Variants in UNC5D observed in about 807,000 individuals in gnomAD.
UNC5D encodes unc-5 netrin receptor D.
Under a neutral mutation model 105.4 loss-of-function variants are expected in UNC5D, and 39 were observed. The observed-to-expected ratio is 0.37, with a 90% CI of 0.29 to 0.48. The LOEUF is 0.48. UNC5D is among the 20% of genes least tolerant of loss of function. The probability of loss-of-function intolerance (pLI) is 0.98; values close to 1 mark genes in which losing one functional copy is unlikely to be tolerated. For missense variants in UNC5D, 991 were observed against 1,202.4 expected, an observed-to-expected ratio of 0.82 and a Z score of 2.60; for synonymous variants, 452 against 450.4, an observed-to-expected ratio of 1.00 and a Z score of -0.04.
chr8:35,786,527 G>A (rs1381674773), intron 16 of UNC5D, among the ~76,000 whole-genome samples: 2 of 152,092 alleles, frequency 1.3e-5, no homozygotes, highest in African/African-American at 4.8e-5. Context: ...TTAATATTGT[G>A]TTGAGACAAT....
chr8:35,269,890 A>ATATCCATTC (rs2128832292), intron 1 of UNC5D, among the ~76,000 whole-genome samples: 1 of 152,340 alleles, frequency 6.6e-6, no homozygotes, highest in East Asian at 1.9e-4. Flanking sequence ...GGGCATGTCC[A>ATATCCATTC]TATCCATTCT....
chr8:35,680,605 G>A (rs1041626665), intron 4 of UNC5D, among the ~76,000 whole-genome samples: 36 of 152,010 alleles, frequency 2.4e-4, no homozygotes, highest in African/African-American at 7.5e-4. Context: ...GTTCTTTTGC[G>A]CATGATTTTA....
intron 7 of UNC5D, among the ~76,000 whole-genome samples, chr8:35,691,756 G>C (rs1013335566): frequency 6.6e-6 from 1 of 152,228 alleles, no homozygotes; most frequent in Middle Eastern, 3.4e-3. Flanking sequence ...ACATACCTGC[G>C]TTTGTGCTCT....
chr8:35,365,987 A>G (rs1802100319), intron 1 of UNC5D, among the ~76,000 whole-genome samples: 1 of 152,152 alleles, frequency 6.6e-6, no homozygotes, highest in Non-Finnish European at 1.5e-5. Flanking sequence ...CAAGAATTAA[A>G]TCTCTGGCCA....
chr8:35,423,986 G>T (rs566651449), intron 1 of UNC5D, among the ~76,000 whole-genome samples: 5 of 151,988 alleles, frequency 3.3e-5, no homozygotes, highest in Non-Finnish European at 5.9e-5. Flanking sequence ...TTTTTGTAGA[G>T]ATGGGGTCTT....
At chr8:35,787,227 G>A (rs1354050963) in intron 16 of UNC5D, among the ~76,000 whole-genome samples, 1 of 152,094 alleles carries the variant, frequency 6.6e-6, no homozygotes, top group Non-Finnish European at 1.5e-5. Context: ...CATTCCCATA[G>A]GGCAAAAGTT....
intron 1 of UNC5D, among the ~76,000 whole-genome samples, chr8:35,416,788 T>C (rs1300263686): frequency 6.6e-6 from 1 of 152,190 alleles, no homozygotes; most frequent in Non-Finnish European, 1.5e-5. Flanking sequence ...ACAAACTTAA[T>C]CTGAAAGGAA....
At chr8:35,341,971 C>T (rs1236786552) in intron 1 of UNC5D, among the ~76,000 whole-genome samples, 1 of 152,100 alleles carries the variant, frequency 6.6e-6, no homozygotes, top group East Asian at 1.9e-4. Context: ...ACAGTATCAA[C>T]ACCAGTACTG....
chr8:35,300,186 G>A (rs1022943814), intron 1 of UNC5D, among the ~76,000 whole-genome samples: 2 of 152,004 alleles, frequency 1.3e-5, no homozygotes, highest in African/African-American at 4.8e-5. Flanking sequence ...GGTGGCTCAC[G>A]CCTGTAATCC....
intron 1 of UNC5D, among the ~76,000 whole-genome samples, chr8:35,241,390 G>T (rs1354232039): frequency 6.6e-6 from 1 of 152,114 alleles, no homozygotes; most frequent in Non-Finnish European, 1.5e-5. Context: ...CTCTTGAAAG[G>T]AGTATGTTTT....
chr8:35,667,397 A>G (rs1241518479), intron 4 of UNC5D, among the ~76,000 whole-genome samples: 1 of 152,152 alleles, frequency 6.6e-6, no homozygotes, highest in African/African-American at 2.4e-5. Flanking sequence ...GTTGTGGCAG[A>G]GGGAGAAAAA....
intron 7 of UNC5D, among the ~76,000 whole-genome samples, chr8:35,701,052 A>T (rs6994513): frequency 0.013 from 2,015 of 152,302 alleles, 35 homozygotes; most frequent in African/African-American, 0.046. Flanking sequence ...TATGACAAAC[A>T]AAATAATTAA....
rs372856708 is a variant in UNC5D at position 35,722,349 on chromosome 8, A to G, written c.1257A>G (p.Ala419=). ...GCGTGGACGTCATTGACTCTTCTGC[A>G]TTGACAGGTGGCTTCCAGACCTTCA... is the stretch of plus-strand genomic sequence containing the variant. ...DYGVDVIDSS[A]LTGGFQTFNF... Residue 419 remains alanine (A), a synonymous_variant, in exon 9 of 17, where the codon GCA becomes GCG. Transcript: ENST00000404895. 1.6e-5 allele frequency: 26 copies of G among 1,614,120 alleles called. No individual in the cohort carries two copies. Among genetic ancestry groups the G allele is most frequent in the Non-Finnish European group, 2.0e-5 (24 of 1,180,018 alleles).
At chr8:35,272,354 A>T (rs1805468442) in intron 1 of UNC5D, among the ~76,000 whole-genome samples, 1 of 151,996 alleles carries the variant, frequency 6.6e-6, no homozygotes, top group South Asian at 2.1e-4. Context: ...AGCTTGCGGG[A>T]AGTTCACTGG....
At chr8:35,731,288 C>T in intron 11 of UNC5D, among the ~76,000 whole-genome samples, 192 bp downstream of exon 11, 1 of 150,316 alleles carries the variant, frequency 6.7e-6, no homozygotes, top group South Asian at 2.1e-4. Flanking sequence ...GTAATCCCAG[C>T]TACTCAGGAG....
chr8:35,694,349 G>C (rs1408610436), intron 7 of UNC5D, among the ~76,000 whole-genome samples: 1 of 152,140 alleles, frequency 6.6e-6, no homozygotes, highest in African/African-American at 2.4e-5. Flanking sequence ...AAAACCAGCT[G>C]TTTTCTTTTT....
chr8:35,386,745 C>T (rs1168726176), intron 1 of UNC5D, among the ~76,000 whole-genome samples: 1 of 152,140 alleles, frequency 6.6e-6, no homozygotes, highest in African/African-American at 2.4e-5. Context: ...AGGCTTTCCA[C>T]ATTAAATTTA....
intron 16 of UNC5D, among the ~76,000 whole-genome samples, chr8:35,784,685 T>A (rs529394807): frequency 7.2e-5 from 11 of 151,956 alleles, no homozygotes; most frequent in Non-Finnish European, 1.5e-4. Context: ...GAGGTGGAGG[T>A]TGCAGTCAGC....
chr8:35,342,068 A>T (rs1479795892), intron 1 of UNC5D, among the ~76,000 whole-genome samples: 1 of 152,022 alleles, frequency 6.6e-6, no homozygotes, highest in Non-Finnish European at 1.5e-5. Context: ...TTTACCGTGG[A>T]TGCATTTAAG....
Sources: allele counts gnomAD v4.1 joint callset (sites outside exome capture counted in the v4.1 genomes callset), GRCh38; gene constraint gnomAD v4.1.1; transcripts MANE v1.5; gene names NCBI Gene and HGNC (gene_info 2026-07-23, HGNC 2026-07-21).